The following ABCA12 variants were observed in gnomAD, a reference collection of about 807,000 sequenced individuals.
ABCA12 encodes the protein ATP binding cassette subfamily A member 12, also known as glucosylceramide transporter ABCA12.
Under a neutral mutation model 293.5 loss-of-function variants are expected in ABCA12, and 156 were observed. The ratio of observed to expected loss-of-function variants is 0.53; its 90% CI spans 0.47 to 0.61. The LOEUF is 0.61. ABCA12 is among the 20% of genes least tolerant of loss of function. The probability of loss-of-function intolerance (pLI) is 0.00; values close to 1 mark genes in which losing one functional copy is unlikely to be tolerated. For missense variants in ABCA12, 2,797 were observed against 3,090.2 expected (o/e 0.91, Z 2.25); for synonymous variants, 1,063 against 1,108.0 (o/e 0.96, Z 0.81).
intron 39 of ABCA12, among the ~76,000 whole-genome samples, chr2:214,964,141 T>C (rs1034594335): frequency 6.6e-6 from 1 of 152,148 alleles, no homozygotes; most frequent in Admixed American, 6.5e-5. Flanking sequence ...ACTGCAAGAT[T>C]ATCTCCATAG....
At position 214,974,840 on chromosome 2, in the gene ABCA12, T is replaced by C. The variant is rs200531942; in HGVS notation, c.5406A>G (p.Ala1802=). Residue 1802 remains alanine (A), a synonymous_variant, in exon 35 of 53, where the codon GCA becomes GCG. Coordinates refer to ENST00000272895, the MANE Select transcript of ABCA12 (RefSeq NM_173076.3). ...GGAAGTCCCACATTGCTGAGACAAG[T>C]GCTTCCGTGCTCGGGTGATAATTAC... ...FYANYHPSTE[A]LVSAMWDFPG... The C allele has an allele frequency of 6.2e-7, 1 of 1,614,124 alleles. No homozygotes were observed. The highest frequency in any genetic ancestry group is 2.2e-5 in the East Asian group (1 of 44,874).
At chr2:214,992,791 G>A (rs1291011658) in intron 23 of ABCA12, among the ~76,000 whole-genome samples, 1 of 151,438 alleles carries the variant, frequency 6.6e-6, no homozygotes, top group East Asian at 1.9e-4. Flanking sequence ...AACCCAGGAG[G>A]TGGAGGTTGC....
intron 11 of ABCA12, chr2:215,025,465 A>G (rs1226925651): frequency 2.0e-6 from 1 of 507,672 alleles, no homozygotes; most frequent in African/African-American, 2.0e-5. Flanking sequence ...CCAGCCATAA[A>G]CTCTTTTGTC....
At position 215,112,531 on chromosome 2, in the gene ABCA12, C is replaced by T. The variant is rs539854579; in HGVS notation, c.70-841G>A. Among the ~76,000 whole-genome samples the T allele has an allele frequency of 2.0e-4, 28 of 143,018 alleles. No individual in the cohort carries two copies. The East Asian group carries it at 4.3e-3, about 22-fold the overall frequency. The allele number at this position is 143,018 out of a possible 152,430, so 93.8% of individuals were successfully genotyped here. On this transcript the variant is annotated intron_variant, in intron 1 of 52. Coordinates refer to ENST00000272895, the MANE Select transcript of ABCA12 (RefSeq NM_173076.3). Reference sequence around the variant, plus strand: ...TGTTTTTTTTTGAGACAGAGTCTTGCTCTGTCACCCAGGCTGGATCACAGT... The same window carrying T: ...TGTTTTTTTTTGAGACAGAGTCTTGTTCTGTCACCCAGGCTGGATCACAGT...
intron 39 of ABCA12, among the ~76,000 whole-genome samples, chr2:214,959,945 C>T (rs1463565313): frequency 6.6e-6 from 1 of 152,112 alleles, no homozygotes; most frequent in Admixed American, 6.6e-5. Context: ...CTGAAGAAAG[C>T]TCCTAAATAC....
intron 2 of ABCA12, among the ~76,000 whole-genome samples, chr2:215,078,929 C>T (rs1701885196): frequency 1.3e-5 from 2 of 152,166 alleles, no homozygotes; most frequent in Admixed American, 6.5e-5. Context: ...ATCCTACCCA[C>T]GGGTCCAAAA....
chr2:215,017,065 C>G (rs985636418), intron 14 of ABCA12, among the ~76,000 whole-genome samples: 3 of 152,174 alleles, frequency 2.0e-5, no homozygotes, highest in African/African-American at 7.2e-5. Context: ...ATATTATTTA[C>G]TAGTACAGTA....
At chr2:214,990,053 T>C (rs1226345373) in intron 24 of ABCA12, among the ~76,000 whole-genome samples, 2 of 152,214 alleles carry the variant, frequency 1.3e-5, no homozygotes, top group African/African-American at 4.8e-5. Context: ...GTTGATTGAA[T>C]ATTGATAATT....
intron 31 of ABCA12, among the ~76,000 whole-genome samples, chr2:214,979,662 C>A: frequency 6.6e-6 from 1 of 151,974 alleles, no homozygotes; most frequent in East Asian, 1.9e-4. Context: ...CTCTAAGAGG[C>A]CAGAGATTTT....
intron 27 of ABCA12, 58 bp from the exon 28 acceptor site, chr2:214,986,786 T>C: frequency 1.4e-6 from 2 of 1,462,498 alleles, no homozygotes; most frequent in South Asian, 2.3e-5. Flanking sequence ...GCAGCTAGAG[T>C]TAGACTTTAT....
intron 19 of ABCA12, among the ~76,000 whole-genome samples, chr2:215,005,798 T>C (rs1443633537): frequency 6.6e-6 from 1 of 152,244 alleles, no homozygotes; most frequent in African/African-American, 2.4e-5. Flanking sequence ...TACTAATCCA[T>C]GCATGTAGCA....
At chr2:214,954,418 T>C (rs890659834) in intron 43 of ABCA12, among the ~76,000 whole-genome samples, 1 of 152,156 alleles carries the variant, frequency 6.6e-6, no homozygotes, top group Non-Finnish European at 1.5e-5. Context: ...TGTTGGGGTC[T>C]GTTACACGGT....
rs745800243 is a variant in ABCA12 at position 215,001,548 on chromosome 2, C to A, written c.2863+10G>T. The A allele has an allele frequency of 1.9e-5, 31 of 1,613,430 alleles. No individual in the cohort carries two copies. The South Asian group carries it at 3.2e-4, about 17-fold the overall frequency. On this transcript the variant is annotated intron_variant, in intron 21 of 52. Coordinates refer to ENST00000272895, the MANE Select transcript of ABCA12 (RefSeq NM_173076.3). ...AAGAGATGCTCAAACCCTAATAGAA[C>A]AGCACTTACTTCCAAAGAGTTCGTT... is the stretch of plus-strand genomic sequence containing the variant.
At chr2:214,947,924 C>G (rs1288805472) in intron 47 of ABCA12, 1 of 293,814 alleles carries the variant, frequency 3.4e-6, no homozygotes, top group Non-Finnish European at 6.6e-6. Flanking sequence ...GTTACCCCTG[C>G]GTCCTCTTTC....
intron 28 of ABCA12, among the ~76,000 whole-genome samples, chr2:214,984,094 C>CTTTTTTTTTTTTTTTT (rs397987755): frequency 1.1e-5 from 1 of 92,952 alleles, no homozygotes; most frequent in Admixed American, 1.7e-4. Flanking sequence ...ACGATCAGGC[C>CTTTTTTTTTTTTTTTT]TTTTTTTTTT....
At chr2:215,054,429 A>T in intron 4 of ABCA12, 144 bp downstream of exon 4, 1 of 710,158 alleles carries the variant, frequency 1.4e-6, no homozygotes, top group Non-Finnish European at 2.5e-6. Flanking sequence ...ATACTCAGGC[A>T]ACCATGAGGA....
At chr2:215,134,614 T>TAGAGAG (rs1286743026) in intron 1 of ABCA12, among the ~76,000 whole-genome samples, 3 of 86,286 alleles carry the variant, frequency 3.5e-5, no homozygotes, top group African/African-American at 2.7e-4. Context: ...TATATATATA[T>TAGAGAG]ATAGAGAGAG....
Position 214,954,060 on chromosome 2 carries a change from G to A in ABCA12, c.6441C>T (p.Phe2147=). ...SETLKRIFLI[F]PQFCFGYGLI... Reference sequence around the variant, plus strand: ...AACCGTAGCCAAAACAGAATTGTGGGAAAATCAGGAAAATGCGCTTGAGGG... The same window carrying A: ...AACCGTAGCCAAAACAGAATTGTGGAAAAATCAGGAAAATGCGCTTGAGGG... The change falls in exon 44 of 53, where the codon TTC becomes TTT. Residue 2147 remains phenylalanine, a synonymous_variant. Transcript: ENST00000272895. 1 of 1,613,972 alleles carries A rather than the reference G, an allele frequency of 6.2e-7. No homozygotes were observed.
intron 22 of ABCA12, 33 bp downstream of exon 22, chr2:215,000,672 A>T (rs200309669): frequency 2.5e-6 from 4 of 1,612,172 alleles, no homozygotes; most frequent in Non-Finnish European, 3.4e-6. Flanking sequence ...AAAGTTGTTG[A>T]TCATTAAAAA....
Sources: allele counts gnomAD v4.1 joint callset (sites outside exome capture counted in the v4.1 genomes callset), GRCh38; gene constraint gnomAD v4.1.1; transcripts MANE v1.5; gene names NCBI Gene and HGNC (gene_info 2026-07-23, HGNC 2026-07-21).